The following PALM2AKAP2 variants were observed in gnomAD, a reference collection of about 807,000 sequenced individuals.
The protein encoded by PALM2AKAP2 is PALM2-AKAP2 fusion protein.
PALM2AKAP2 carries 37 observed loss-of-function variants against 71.5 expected under a neutral mutation model. That is an observed-to-expected ratio of 0.52 (90% CI 0.40 to 0.68). PALM2AKAP2 has a LOEUF of 0.68. Among genes scored for constraint, PALM2AKAP2 ranks in the 30% least tolerant of loss-of-function variants. The pLI is 0.00. For synonymous variants in PALM2AKAP2, 468 were observed against 478.8 expected (o/e 0.98, Z 0.29); for missense variants, 1,224 against 1,191.8 (o/e 1.03, Z -0.40).
chr9:110,059,679 G>A (rs1833920153), intron 1 of PALM2AKAP2, among the ~76,000 whole-genome samples: 1 of 152,200 alleles, frequency 6.6e-6, no homozygotes, highest in East Asian at 1.9e-4. Context: ...AGAGACTAGG[G>A]CAGAAGAAGC....
chr9:109,795,915 T>G (rs1827240395), intron 1 of PALM2AKAP2, among the ~76,000 whole-genome samples: 1 of 152,240 alleles, frequency 6.6e-6, no homozygotes, highest in African/African-American at 2.4e-5. Flanking sequence ...TGCTGTACTC[T>G]GTTGATGGGA....
chr9:109,914,645 G>A (rs563076315), intron 3 of PALM2AKAP2, among the ~76,000 whole-genome samples: 103 of 152,350 alleles, frequency 6.8e-4, no homozygotes, highest in Middle Eastern at 3.4e-3. Flanking sequence ...GAAGAGAACA[G>A]GTCTGAATTA....
At chr9:109,919,723 G>A (rs1265271959) in intron 3 of PALM2AKAP2, among the ~76,000 whole-genome samples, 17 of 144,854 alleles carry the variant, frequency 1.2e-4, no homozygotes, top group African/African-American at 2.1e-4. Flanking sequence ...ATATATATAT[G>A]TGTGTATACA....
intron 1 of PALM2AKAP2, chr9:109,765,323 G>A (rs1012092069): frequency 1.3e-5 from 2 of 152,190 alleles, no homozygotes; most frequent in African/African-American, 2.4e-5. Flanking sequence ...TGTCTTAAGT[G>A]GAGACAATGC....
intron 1 of PALM2AKAP2, among the ~76,000 whole-genome samples, chr9:110,052,106 G>A (rs1321484787): frequency 6.6e-6 from 1 of 152,150 alleles, no homozygotes; most frequent in Non-Finnish European, 1.5e-5. Context: ...GTTTCACCAT[G>A]TTAGCTAGGA....
chr9:110,139,036 T>TG (rs1307057277), intron 2 of PALM2AKAP2, among the ~76,000 whole-genome samples: 7 of 152,216 alleles, frequency 4.6e-5, no homozygotes, highest in Non-Finnish European at 1.5e-5. Context: ...CATTGCAGAC[T>TG]GGTCCATGCA....
chr9:110,075,068 T>C (rs1309821789), intron 1 of PALM2AKAP2, among the ~76,000 whole-genome samples: 1 of 152,056 alleles, frequency 6.6e-6, no homozygotes, highest in African/African-American at 2.4e-5. Flanking sequence ...GAAGAATGTG[T>C]CTTGAATGCG....
At chr9:110,037,548 C>T (rs57846706) in intron 7 of PALM2AKAP2, among the ~76,000 whole-genome samples, 3,636 of 152,268 alleles carry the variant, frequency 0.024, 126 homozygotes, top group African/African-American at 0.076. Flanking sequence ...ATGCCAAGCT[C>T]TAGGCATCTA....
chr9:110,137,091 A>G (rs1835898536), exon 2 of PALM2AKAP2: 1 of 900,130 alleles, frequency 1.1e-6, no homozygotes, highest in Non-Finnish European at 1.6e-6. Context: ...AAGCAGTTAC[A>G]GCAGCAGCAG....
rs189120113 is a variant in PALM2AKAP2, at chr9:109,927,887, C to T, written c.394+2805C>T. Among the ~76,000 whole-genome samples, 4 of 152,234 alleles carry T rather than the reference C, an allele frequency of 2.6e-5. No homozygotes were observed. The East Asian group carries it at 5.8e-4, about 22-fold the overall frequency. On this transcript the variant is annotated intron_variant, in intron 5 of 9. Transcript: ENST00000302798. The stretch of plus-strand genomic sequence containing the variant: ...TCTGGTGCTAATTCTGTTCTTTACC[C>T]ACTGAGGAGGGAGCTGATGCAAAAC...
rs561715377 is a variant in PALM2AKAP2, at chr9:109,851,171, C to T, written c.46-16320C>T. Among the ~76,000 whole-genome samples, 131 of 121,762 alleles carry T rather than the reference C, an allele frequency of 1.1e-3. 1 individual carries two copies. The highest frequency in any genetic ancestry group is 4.3e-3 in the Middle Eastern group (1 of 234). The allele number at this position is 121,762 out of a possible 152,430, so 79.9% of individuals were successfully genotyped here. ...CAGCCTGGGCAACAGAGGGAGACTC[C>T]GTCTCAACAACAACAACAACAACAA... On this transcript the variant is annotated intron_variant, in intron 1 of 9. Transcript: ENST00000302798.
intron 1 of PALM2AKAP2, among the ~76,000 whole-genome samples, chr9:109,682,583 C>T (rs1395260743): frequency 1.3e-5 from 2 of 152,194 alleles, no homozygotes; most frequent in East Asian, 1.9e-4. Context: ...ACTACTAGAC[C>T]TGGGATGGGA....
At chr9:109,929,642 A>T (rs996071661) in intron 5 of PALM2AKAP2, among the ~76,000 whole-genome samples, 6 of 152,014 alleles carry the variant, frequency 3.9e-5, no homozygotes, top group Non-Finnish European at 2.9e-5. Context: ...AGGCGGGCGG[A>T]TCATGAGGTC....
chr9:110,090,392 C>T (rs1298500001), intron 1 of PALM2AKAP2: 1 of 456,622 alleles, frequency 2.2e-6, no homozygotes, highest in Non-Finnish European at 4.4e-6. Flanking sequence ...TGATTGCCAC[C>T]TGGATGCTGT....
intron 3 of PALM2AKAP2, among the ~76,000 whole-genome samples, chr9:109,891,309 G>A (rs1166047016): frequency 6.6e-6 from 1 of 152,306 alleles, no homozygotes; most frequent in South Asian, 2.1e-4. Flanking sequence ...ACAACATTCT[G>A]TACAAGCATG....
intron 3 of PALM2AKAP2, among the ~76,000 whole-genome samples, chr9:109,880,910 G>A (rs1829832607): frequency 6.6e-6 from 1 of 151,968 alleles, no homozygotes; most frequent in Admixed American, 6.6e-5. Flanking sequence ...TTAAGTTTAG[G>A]GGTACAAATA....
chr9:109,984,238 G>T (rs1388513125), intron 6 of PALM2AKAP2, among the ~76,000 whole-genome samples: 1 of 152,084 alleles, frequency 6.6e-6, no homozygotes, highest in Non-Finnish European at 1.5e-5. Flanking sequence ...TCTAAATAAT[G>T]AATATATTCC....
chr9:110,026,537 C>G (rs191916295), intron 7 of PALM2AKAP2, among the ~76,000 whole-genome samples: 1 of 152,254 alleles, frequency 6.6e-6, no homozygotes, highest in Admixed American at 6.5e-5. Context: ...TAGGTACATT[C>G]AAAGTGTTCT....
chr9:109,882,841 G>A (rs988750136), intron 3 of PALM2AKAP2, among the ~76,000 whole-genome samples: 2 of 151,790 alleles, frequency 1.3e-5, no homozygotes, highest in African/African-American at 4.8e-5. Context: ...TAGAGAAAGA[G>A]TCTCACTATG....
Sources: allele counts gnomAD v4.1 joint callset (sites outside exome capture counted in the v4.1 genomes callset), GRCh38; gene constraint gnomAD v4.1.1; transcripts MANE v1.5; gene names NCBI Gene and HGNC (gene_info 2026-07-23, HGNC 2026-07-21).